The following RPL22L1 variants were observed in gnomAD, a reference collection of about 807,000 sequenced individuals.
RPL22L1 encodes ribosomal protein L22 like 1.
RPL22L1 carries 19 observed loss-of-function variants against 17.3 expected under a neutral mutation model. The ratio of observed to expected loss-of-function variants is 1.10; its 90% CI spans 0.77 to 1.61. The LOEUF (loss-of-function observed/expected upper bound fraction) is 1.61, where lower values mean the gene tolerates loss of function less well. Among genes scored for constraint, RPL22L1 ranks in the 40% most tolerant of loss-of-function variants. The pLI is 0.00. For missense variants in RPL22L1, 139 were observed against 144.4 expected (o/e 0.96, Z 0.19); for synonymous variants, 48 against 48.5 (o/e 0.99, Z 0.05).
At chr3:170,869,927 C>G (rs1711929094) in intron 1 of RPL22L1, 1 of 699,238 alleles carries the variant, frequency 1.4e-6, no homozygotes. Flanking sequence ...ACCACCCATC[C>G]TAAACCAATT....
chr3:170,869,833 G>A (rs1232230365), intron 1 of RPL22L1: 2 of 459,536 alleles, frequency 4.4e-6, no homozygotes, highest in Admixed American at 2.5e-5. Context: ...GCATTATCAG[G>A]CGCGAGATAG....
In RPL22L1 at chr3:170,865,630, G is replaced by A. The variant is rs948622180; in HGVS notation, c.*750C>T. The A allele has an allele frequency of 2.0e-5, 3 of 152,156 alleles. No individual in the cohort carries two copies. The highest frequency in any genetic ancestry group is 4.4e-5 in the Non-Finnish European group (3 of 68,058). The allele number at this position is 152,156 out of a possible 1,614,324, so 9.4% of individuals were successfully genotyped here. On this transcript the variant is annotated 3_prime_UTR_variant, in exon 4 of 4. Coordinates refer to ENST00000295830, the MANE Select transcript of RPL22L1 (RefSeq NM_001099645.2). ...GTTGAGATTTGGTTTTGAGTTTCTG[G>A]TGCCTACAAAGCAGGTGGTTAGGGC...
intron 1 of RPL22L1, among the ~76,000 whole-genome samples, chr3:170,868,822 AAG>A: frequency 6.6e-6 from 1 of 150,410 alleles, no homozygotes; most frequent in South Asian, 2.1e-4. Context: ...AAAAAAAGAA[AAG>A]AAAAGAAAAA....
In RPL22L1 at chr3:170,866,485, GTTC is replaced by G. The variant is rs767049692; in HGVS notation, c.261_263del (p.Lys87del). The G allele has an allele frequency of 3.2e-6, 5 of 1,571,630 alleles. No homozygotes were observed. Among genetic ancestry groups the G allele is most frequent in the South Asian group, 1.2e-5 (1 of 85,586 alleles). The stretch of plus-strand genomic sequence containing the variant: ...CCACTCGAAGCCAATCACGAAGATT[GTTC>G]TTCTTAAGGTATTTCTTGGTAAGGT... On this transcript the variant is annotated inframe_deletion, in exon 4 of 4. Coordinates refer to ENST00000295830, the MANE Select transcript of RPL22L1 (RefSeq NM_001099645.2).
Position 170,866,151 on chromosome 3 carries a change from T to A in RPL22L1, c.*229A>T. On this transcript the variant is annotated 3_prime_UTR_variant, in exon 4 of 4. Coordinates refer to ENST00000295830, the MANE Select transcript of RPL22L1 (RefSeq NM_001099645.2). ...TTTTACCTGAGTACATAAAAGATTT[T>A]GGAAATCGTGGGAAAAAATTATACC... The A allele has an allele frequency of 3.0e-6, 1 of 337,814 alleles. No homozygotes were observed. The highest frequency in any genetic ancestry group is 8.9e-5 in the South Asian group (1 of 11,182). The allele number at this position is 337,814 out of a possible 1,614,324, so 20.9% of individuals were successfully genotyped here.
Position 170,867,949 on chromosome 3 carries a change from C to T in RPL22L1, c.224+64G>A, listed in dbSNP as rs1319037301. ...CATATAAACAGAATACATGTAATAA[C>T]TACATATTCTATGAAATATTCCAAA... On this transcript the variant is annotated intron_variant, in intron 3 of 3. Transcript: ENST00000295830. 2.4e-6 allele frequency: 3 copies of T among 1,274,944 alleles called. No homozygotes were observed. The African/African-American group carries it at 4.5e-5, about 19-fold the overall frequency. 79.0% of individuals were successfully genotyped at this position (1,274,944 alleles called of 1,614,324 possible).
Position 170,865,538 on chromosome 3 carries a change from T to A in RPL22L1, c.*842A>T, listed in dbSNP as rs895913909. On this transcript the variant is annotated 3_prime_UTR_variant, in exon 4 of 4. Coordinates refer to ENST00000295830, the MANE Select transcript of RPL22L1 (RefSeq NM_001099645.2). The stretch of plus-strand genomic sequence containing the variant: ...TTTTGAGAAAGAGATGAGGATGCTC[T>A]GAGACAAGATTCCAACCGAGTGAAC... 1.3e-5 allele frequency: 2 copies of A among 152,204 alleles called. No homozygotes were observed. Among genetic ancestry groups the A allele is most frequent in the African/African-American group, 4.8e-5 (2 of 41,442 alleles). 9.4% of individuals were successfully genotyped at this position (152,204 alleles called of 1,614,324 possible).
chr3:170,864,944 A>T lies in RPL22L1; in HGVS notation c.*1436T>A, dbSNP rs560857106. The T allele has an allele frequency of 1.3e-5, 2 of 152,358 alleles. No individual in the cohort carries two copies. Among genetic ancestry groups the T allele is most frequent in the East Asian group, 3.9e-4 (2 of 5,182 alleles). The allele number at this position is 152,358 out of a possible 1,614,324, so 9.4% of individuals were successfully genotyped here. On this transcript the variant is annotated 3_prime_UTR_variant, in exon 4 of 4. Coordinates refer to ENST00000295830, the MANE Select transcript of RPL22L1 (RefSeq NM_001099645.2). ...GTAGCAGTAAATTTGTTCACATGTG[A>T]TTTGATCAGTTTCCGTCATAATACT...
chr3:170,868,819 G>A (rs13094399), intron 1 of RPL22L1, among the ~76,000 whole-genome samples: 29,026 of 139,948 alleles, frequency 0.21, 3,394 homozygotes, highest in East Asian at 0.39. Context: ...AAAAAAAAAA[G>A]AAAAGAAAAG....
In RPL22L1 at chr3:170,866,396, G is replaced by GATTCAT; in HGVS notation, c.347_352dup (p.Glu117_Ser118insTyrGlu). On this transcript the variant is annotated inframe_insertion, in exon 4 of 4. Transcript: ENST00000295830. ...AGCCTTTGCCTAGTCCTCCGACTCT[G>GATTCAT]ATTCATCTTCATCTTGACTAATCTG... 2 of 1,605,782 alleles carry GATTCAT rather than the reference G, an allele frequency of 1.2e-6. No individual in the cohort carries two copies. The highest frequency in any genetic ancestry group is 1.7e-6 in the Non-Finnish European group (2 of 1,175,648).
intron 3 of RPL22L1, among the ~76,000 whole-genome samples, chr3:170,867,754 T>C (rs559737932): frequency 3.0e-4 from 46 of 152,310 alleles, no homozygotes; most frequent in African/African-American, 9.6e-4. Flanking sequence ...TTAAAGGTTA[T>C]ATACAATTTG....
chr3:170,869,233 C>T (rs1312203684), intron 1 of RPL22L1, among the ~76,000 whole-genome samples: 2 of 152,134 alleles, frequency 1.3e-5, no homozygotes, highest in Admixed American at 6.5e-5. Flanking sequence ...GGCCAGCAAC[C>T]ATGTACATTC....
intron 1 of RPL22L1, among the ~76,000 whole-genome samples, chr3:170,868,950 A>AT (rs1332058856): frequency 1.3e-5 from 2 of 151,926 alleles, no homozygotes; most frequent in Non-Finnish European, 2.9e-5. Context: ...GTGAAACCCC[A>AT]TCTCTAGTAA....
chr3:170,866,097 T>TA lies in RPL22L1; in HGVS notation c.*282dup, dbSNP rs962182474. On this transcript the variant is annotated 3_prime_UTR_variant, in exon 4 of 4. Coordinates refer to ENST00000295830, the MANE Select transcript of RPL22L1 (RefSeq NM_001099645.2). ...GCCTGGGTGACAGAACGAGAGTGTC[T>TA]AAAAAAAAGATTTCCTATATAACGC... 173 of 198,964 alleles carry TA rather than the reference T, an allele frequency of 8.7e-4. No individual in the cohort carries two copies. Among genetic ancestry groups the TA allele is most frequent in the African/African-American group, 2.7e-3 (114 of 42,956 alleles). The allele number at this position is 198,964 out of a possible 1,614,324, so 12.3% of individuals were successfully genotyped here.
intron 3 of RPL22L1, among the ~76,000 whole-genome samples, chr3:170,867,287 C>G (rs1711807277): frequency 6.6e-6 from 1 of 152,182 alleles, no homozygotes; most frequent in South Asian, 2.1e-4. Flanking sequence ...ATGCATTCCT[C>G]CCAGAACACT....
chr3:170,865,516 T>G lies in RPL22L1; in HGVS notation c.*864A>C, dbSNP rs1427591087. 1.3e-5 allele frequency: 2 copies of G among 152,138 alleles called. No homozygotes were observed. Among genetic ancestry groups the G allele is most frequent in the South Asian group, 2.1e-4 (1 of 4,824 alleles). 9.4% of individuals were successfully genotyped at this position (152,138 alleles called of 1,614,324 possible). On this transcript the variant is annotated 3_prime_UTR_variant, in exon 4 of 4. Coordinates refer to ENST00000295830, the MANE Select transcript of RPL22L1 (RefSeq NM_001099645.2). ...ACGCCGGTGTTGGGGTAGGGGCTTTTGAGAAAGAGATGAGGATGCTCTGAG... is the reference window on the plus strand; with the variant it reads ...ACGCCGGTGTTGGGGTAGGGGCTTTGGAGAAAGAGATGAGGATGCTCTGAG...
Position 170,865,464 on chromosome 3 carries a change from A to T in RPL22L1, c.*916T>A, listed in dbSNP as rs184571973. The T allele has an allele frequency of 1.0e-3, 157 of 152,282 alleles. No individual in the cohort carries two copies. The highest frequency in any genetic ancestry group is 3.4e-3 in the African/African-American group (143 of 41,552). The allele number at this position is 152,282 out of a possible 1,614,324, so 9.4% of individuals were successfully genotyped here. A position where few individuals can be genotyped will look rare whatever the true frequency, so the allele number is the denominator to read the frequency against. ...TTTATTCGGGAGAAAGGGTCCATCC[A>T]CTTGTAAGTTTCAATAGACAACCAA... On this transcript the variant is annotated 3_prime_UTR_variant, in exon 4 of 4. Transcript: ENST00000295830.
intron 1 of RPL22L1, among the ~76,000 whole-genome samples, chr3:170,869,448 G>T (rs1369920863): frequency 2.0e-5 from 3 of 152,084 alleles, no homozygotes; most frequent in Non-Finnish European, 4.4e-5. Flanking sequence ...AACCCTATAG[G>T]GTTTATGGCC....
intron 2 of RPL22L1, 65 bp downstream of exon 2, chr3:170,868,233 C>A (rs776495351): frequency 1.4e-4 from 200 of 1,453,174 alleles, no homozygotes; most frequent in Non-Finnish European, 1.8e-4. Flanking sequence ...TTATCAAATA[C>A]TATATATTTA....
Sources: gnomAD v4.1 joint callset for allele counts (sites outside exome capture counted in the v4.1 genomes callset) on GRCh38, gnomAD v4.1.1 for gene constraint, MANE v1.5 for transcripts, NCBI Gene and HGNC (gene_info 2026-07-23, HGNC 2026-07-21) for gene names.